USH2A: variants seen among roughly 807,000 people sequenced by gnomAD.
USH2A encodes Usher syndrome 2A (autosomal recessive, mild).
USH2A carries 443 observed loss-of-function variants against 538.9 expected under a neutral mutation model. The ratio of observed to expected loss-of-function variants is 0.82; its 90% CI spans 0.76 to 0.89. The LOEUF (loss-of-function observed/expected upper bound fraction) is 0.89. Among genes scored for constraint, USH2A ranks in the 40% least tolerant of loss-of-function variants. The pLI is 0.00. For missense variants in USH2A, 6,633 were observed against 6,324.8 expected (o/e 1.05, Z -1.65); for synonymous variants, 2,413 against 2,273.5 (o/e 1.06, Z -1.75).
rs540831131 is a variant in USH2A at position 215,966,653 on chromosome 1, C to T, written c.6958-1174G>A. On this transcript the variant is annotated intron_variant, in intron 36 of 71. Coordinates refer to ENST00000307340, the MANE Select transcript of USH2A (RefSeq NM_206933.4). ...TTTAGAACTATAACACTTGCTCTTTCGTTTTTAGTTTAATAGCTACATACA... is the reference window on the plus strand; with the variant it reads ...TTTAGAACTATAACACTTGCTCTTTTGTTTTTAGTTTAATAGCTACATACA... 4.1e-4 allele frequency among the ~76,000 whole-genome samples: 62 copies of T among 152,102 alleles called. 1 individual carries two copies. Among genetic ancestry groups the T allele is most frequent in the Non-Finnish European group, 7.6e-4 (52 of 68,008 alleles).
chr1:215,648,897 T>G, intron 65 of USH2A, 131 bp from the exon 66 acceptor site: 1 of 880,394 alleles, frequency 1.1e-6, no homozygotes, highest in Non-Finnish European at 1.9e-6. Flanking sequence ...ACATGGCATT[T>G]AGCATGACAT....
At chr1:215,670,935 C>A in intron 64 of USH2A, 37 bp downstream of exon 64, 1 of 1,609,512 alleles carries the variant, frequency 6.2e-7, no homozygotes, top group Non-Finnish European at 8.5e-7. Context: ...CGGGTGCAAA[C>A]AATCAGCTCG....
chr1:216,088,976 T>A (rs1299436323), intron 23 of USH2A, 37 bp downstream of exon 23: 1 of 1,611,880 alleles, frequency 6.2e-7, no homozygotes, highest in Non-Finnish European at 8.5e-7. Flanking sequence ...CACCAACATA[T>A]CAACAGGGCT....
At chr1:215,994,791 C>T (rs533007082) in intron 34 of USH2A, among the ~76,000 whole-genome samples, 18 of 152,124 alleles carry the variant, frequency 1.2e-4, no homozygotes, top group East Asian at 5.8e-4. Context: ...AAAATAATTG[C>T]CCAACGATTA....
chr1:215,670,821 T>C, intron 64 of USH2A, 151 bp downstream of exon 64: 4 of 776,098 alleles, frequency 5.2e-6, no homozygotes, highest in Non-Finnish European at 6.1e-6. Flanking sequence ...TTTTTCCTCA[T>C]TTACCACTTA....
chr1:216,028,587 CA>C (rs2102508578), intron 32 of USH2A, among the ~76,000 whole-genome samples: 1 of 151,838 alleles, frequency 6.6e-6, no homozygotes, highest in Non-Finnish European at 1.5e-5. Flanking sequence ...GAATTGACTA[CA>C]AGTTTTAAAA....
chr1:215,834,472 A>G (rs1319725482), intron 47 of USH2A, among the ~76,000 whole-genome samples: 2 of 152,208 alleles, frequency 1.3e-5, no homozygotes, highest in Non-Finnish European at 2.9e-5. Flanking sequence ...CATTTACATG[A>G]CAATATGGAA....
intron 61 of USH2A, among the ~76,000 whole-genome samples, chr1:215,693,360 G>A (rs58541222): frequency 0.015 from 2,235 of 152,042 alleles, 85 homozygotes; most frequent in East Asian, 0.1. Flanking sequence ...GTCAGACTTG[G>A]TGTATCCCAT....
rs551737229 is a variant in USH2A at position 215,726,219 on chromosome 1, G to A, written c.12066+1811C>T. On this transcript the variant is annotated intron_variant, in intron 61 of 71. Transcript: ENST00000307340. ...TTTGAAGGATATGGTGGGAAGTAAC[G>A]AACTTCCTCCTGGATCACATATCCA... 5.9e-5 allele frequency among the ~76,000 whole-genome samples: 9 copies of A among 152,136 alleles called. No homozygotes were observed. In the East Asian group the frequency reaches 1.2e-3, roughly 20 times the overall value.
chr1:216,402,693 A>T lies in USH2A; in HGVS notation c.651+15821T>A, dbSNP rs188095461. ...CATGCAAAATATGTGTTAATGGACC[A>T]TTTATCTTATTGGTAAGGCTTCCAT... On this transcript the variant is annotated intron_variant, in intron 3 of 71. Transcript: ENST00000307340. Among the ~76,000 whole-genome samples, 238 of 152,274 alleles carry T rather than the reference A, an allele frequency of 1.6e-3. 3 individuals are homozygous for T. In the South Asian group the frequency reaches 0.019, roughly 12 times the overall value.
At chr1:215,630,502 A>G (rs1444206796) in intron 70 of USH2A, among the ~76,000 whole-genome samples, 20 of 133,156 alleles carry the variant, frequency 1.5e-4, no homozygotes, top group South Asian at 1.3e-3. Flanking sequence ...ATATATATAT[A>G]TATATATATA....
intron 61 of USH2A, among the ~76,000 whole-genome samples, chr1:215,689,132 C>T (rs77847242): frequency 0.014 from 2,090 of 152,156 alleles, 23 homozygotes; most frequent in Non-Finnish European, 0.022. Flanking sequence ...GAAGTCTGAG[C>T]AGTAACAGAT....
intron 3 of USH2A, among the ~76,000 whole-genome samples, chr1:216,410,533 A>G (rs2039470918): frequency 6.6e-6 from 1 of 152,064 alleles, no homozygotes; most frequent in Admixed American, 6.6e-5. Context: ...GAAAGAAATA[A>G]TGCCTGCGCC....
At chr1:215,925,528 C>G (rs897930391) in intron 38 of USH2A, among the ~76,000 whole-genome samples, 1 of 152,112 alleles carries the variant, frequency 6.6e-6, no homozygotes, top group African/African-American at 2.4e-5. Context: ...AAAGACAAAC[C>G]ATCTGTTTAT....
At chr1:216,292,507 T>A (rs2037021966) in intron 9 of USH2A, 137 bp from the exon 10 acceptor site, 1 of 987,302 alleles carries the variant, frequency 1.0e-6, no homozygotes, top group African/African-American at 1.6e-5. Context: ...ATTTGAAAAA[T>A]ATTTCGTAAG....
At chr1:215,842,253 G>A (rs11120665) in intron 46 of USH2A, among the ~76,000 whole-genome samples, 81,780 of 152,034 alleles carry the variant, frequency 0.54, 22,134 homozygotes, top group Admixed American at 0.65. Flanking sequence ...CAAAACCACA[G>A]TGAGATACCA....
intron 32 of USH2A, among the ~76,000 whole-genome samples, chr1:216,014,597 G>C (rs1329088128): frequency 6.6e-6 from 1 of 152,200 alleles, no homozygotes; most frequent in Non-Finnish European, 1.5e-5. Flanking sequence ...CTGTTTGTAA[G>C]AGCCCCTGAG....
At position 215,623,280 on chromosome 1, in the gene USH2A, T is replaced by G. The variant is rs1443338674; in HGVS notation, c.*2501A>C. On this transcript the variant is annotated 3_prime_UTR_variant, in exon 72 of 72. Coordinates refer to ENST00000307340, the MANE Select transcript of USH2A (RefSeq NM_206933.4). ...GTCAGGAGATTTAAATTTAAAGAGG[T>G]TCATCAAGAACTGCTCATTGTTTAT... The G allele has an allele frequency of 6.6e-6, 1 of 151,912 alleles. No homozygotes were observed. Among genetic ancestry groups the G allele is most frequent in the Non-Finnish European group, 1.5e-5 (1 of 67,968 alleles). The allele number at this position is 151,912 out of a possible 1,614,324, so 9.4% of individuals were successfully genotyped here. A position where few individuals can be genotyped will look rare whatever the true frequency, so the allele number is the denominator to read the frequency against.
At chr1:215,664,052 T>C (rs536976291) in intron 64 of USH2A, among the ~76,000 whole-genome samples, 1 of 152,262 alleles carries the variant, frequency 6.6e-6, no homozygotes, top group South Asian at 2.1e-4. Flanking sequence ...GACCTGGTGT[T>C]CATATCTTTT....
Sources: allele counts gnomAD v4.1 joint callset (sites outside exome capture counted in the v4.1 genomes callset), GRCh38; gene constraint gnomAD v4.1.1; transcripts MANE v1.5; gene names NCBI Gene and HGNC (gene_info 2026-07-23, HGNC 2026-07-21).